The following RAPGEF6 variants were observed in gnomAD, a reference collection of about 807,000 sequenced individuals.
RAPGEF6 encodes the protein Rap guanine nucleotide exchange factor 6.
RAPGEF6 carries 56 observed loss-of-function variants against 171.4 expected under a neutral mutation model. The ratio of observed to expected loss-of-function variants is 0.33; its 90% CI spans 0.26 to 0.41. The LOEUF (loss-of-function observed/expected upper bound fraction) is 0.41, where lower values mean the gene tolerates loss of function less well. Ranked by LOEUF, RAPGEF6 falls within the 10% of genes least tolerant of loss-of-function variation. RAPGEF6 has a pLI of 1.00. For missense variants in RAPGEF6, 1,674 were observed against 1,921.4 expected (o/e 0.87, Z 2.41); for synonymous variants, 692 against 650.1 (o/e 1.06, Z -0.98).
At chr5:131,525,577 A>G (rs1018576112) in intron 6 of RAPGEF6, among the ~76,000 whole-genome samples, 3 of 152,172 alleles carry the variant, frequency 2.0e-5, no homozygotes, top group African/African-American at 7.2e-5. Context: ...TAACAAAGTC[A>G]TAATTGCTTA....
chr5:131,439,695 C>G lies in RAPGEF6; in HGVS notation c.3631G>C (p.Val1211Leu). 6.2e-7 allele frequency: 1 copy of G among 1,611,184 alleles called. No individual in the cohort carries two copies. The highest frequency in any genetic ancestry group is 8.5e-7 in the Non-Finnish European group (1 of 1,179,370). ...CTTATTTCTTCAGTTGTTCCTAAAACTTTCTGAGGTAAACTTGTATCTAAA... is the reference window on the plus strand; with the variant it reads ...CTTATTTCTTCAGTTGTTCCTAAAAGTTTCTGAGGTAAACTTGTATCTAAA... The part of the protein sequence containing the change: ...PALNTSLPQK[V>L]LGTTEEISGK... The change falls in exon 24 of 28, where the codon GTT (valine) becomes CTT (leucine). Residue 1211 changes from valine to leucine, a missense_variant. Around this residue, in one of 3 missense-constraint regions of RAPGEF6, gnomAD observed 552 missense variants for 574.2 expected, o/e 0.96. Coordinates refer to ENST00000509018, the MANE Select transcript of RAPGEF6 (RefSeq NM_016340.6).
At chr5:131,463,968 C>G in intron 18 of RAPGEF6, 73 bp downstream of exon 18, 1 of 1,503,380 alleles carries the variant, frequency 6.7e-7, no homozygotes, top group South Asian at 1.4e-5. Flanking sequence ...TTTCTACTTA[C>G]AATAGCTGTT....
intron 1 of RAPGEF6, among the ~76,000 whole-genome samples, chr5:131,610,597 G>T (rs1764878241): frequency 6.6e-6 from 1 of 152,190 alleles, no homozygotes; most frequent in African/African-American, 2.4e-5. Flanking sequence ...CAGGAAAGAA[G>T]GCTTGAGTCA....
chr5:131,626,536 T>C (rs561992961), intron 1 of RAPGEF6, among the ~76,000 whole-genome samples: 7 of 152,072 alleles, frequency 4.6e-5, no homozygotes, highest in South Asian at 2.1e-4. Flanking sequence ...AATCAATTCA[T>C]GACATTTAAC....
chr5:131,511,856 G>T (rs888477528), intron 7 of RAPGEF6, among the ~76,000 whole-genome samples: 1 of 152,096 alleles, frequency 6.6e-6, no homozygotes, highest in African/African-American at 2.4e-5. Flanking sequence ...AGAGATTACA[G>T]TGGGAAACAG....
intron 20 of RAPGEF6, among the ~76,000 whole-genome samples, chr5:131,454,382 T>C (rs1159302049): frequency 6.6e-6 from 1 of 152,036 alleles, no homozygotes; most frequent in Non-Finnish European, 1.5e-5. Context: ...TTTTCAATAA[T>C]AACCAGGCAC....
At chr5:131,427,843 C>G (rs1580809123) in intron 27 of RAPGEF6, among the ~76,000 whole-genome samples, 1 of 152,198 alleles carries the variant, frequency 6.6e-6, no homozygotes, top group African/African-American at 2.4e-5. Flanking sequence ...TACAGTGGCT[C>G]ACACCCATAA....
chr5:131,563,283 AC>A (rs577369609), intron 4 of RAPGEF6, among the ~76,000 whole-genome samples: 9 of 152,286 alleles, frequency 5.9e-5, no homozygotes, highest in African/African-American at 1.4e-4. Flanking sequence ...ATACCAAAAA[AC>A]ATCTAATAAA....
chr5:131,556,736 A>C (rs1761259697), intron 5 of RAPGEF6, among the ~76,000 whole-genome samples: 1 of 152,082 alleles, frequency 6.6e-6, no homozygotes, highest in Non-Finnish European at 1.5e-5. Flanking sequence ...ATTCTTTTAA[A>C]TGGCACAAAA....
In RAPGEF6 at chr5:131,498,671, T is replaced by G. The variant is rs1037120569; in HGVS notation, c.1255-64A>C. ...AATGACCCAAGAACCAAAGAACTAT[T>G]GTTGATTACTCCGCTTTGTAGCTAC... On this transcript the variant is annotated intron_variant, in intron 11 of 27. Transcript: ENST00000509018. 7.0e-6 allele frequency: 10 copies of G among 1,437,710 alleles called. No homozygotes were observed. In the Admixed American group the frequency reaches 1.9e-4, roughly 27 times the overall value. 89.1% of individuals were successfully genotyped at this position (1,437,710 alleles called of 1,614,324 possible). A position where few individuals can be genotyped will look rare whatever the true frequency, so the allele number is the denominator to read the frequency against.
At chr5:131,580,947 G>A (rs558516115) in intron 4 of RAPGEF6, among the ~76,000 whole-genome samples, 2 of 152,200 alleles carry the variant, frequency 1.3e-5, no homozygotes, top group South Asian at 4.1e-4. Flanking sequence ...ACACCAACAC[G>A]ACAAAAAGAG....
chr5:131,546,507 G>A (rs1365409927), intron 6 of RAPGEF6, among the ~76,000 whole-genome samples: 4 of 152,040 alleles, frequency 2.6e-5, no homozygotes, highest in African/African-American at 9.7e-5. Flanking sequence ...GGGAGGCTGA[G>A]GCAGGAGAAG....
At chr5:131,473,195 A>C (rs1174259131) in intron 16 of RAPGEF6, among the ~76,000 whole-genome samples, 1 of 152,206 alleles carries the variant, frequency 6.6e-6, no homozygotes, top group Non-Finnish European at 1.5e-5. Flanking sequence ...CAAACCAAAA[A>C]CTATGGCAGG....
intron 11 of RAPGEF6, among the ~76,000 whole-genome samples, 180 bp downstream of exon 11, chr5:131,504,446 A>G (rs888651054): frequency 6.6e-6 from 1 of 151,884 alleles, no homozygotes; most frequent in African/African-American, 2.4e-5. Flanking sequence ...TGGGCAACAG[A>G]GTGAGACTCC....
At chr5:131,442,688 C>T in intron 22 of RAPGEF6, 151 bp from the exon 23 acceptor site, 1 of 1,244,784 alleles carries the variant, frequency 8.0e-7, no homozygotes, top group Non-Finnish European at 1.1e-6. Flanking sequence ...CAGTTAAGTA[C>T]TATAAGATGT....
chr5:131,549,693 A>C (rs1312653001), intron 5 of RAPGEF6, among the ~76,000 whole-genome samples: 1 of 151,898 alleles, frequency 6.6e-6, no homozygotes, highest in Admixed American at 6.6e-5. Context: ...AAAAAAAAAA[A>C]GTTATGTGAA....
At chr5:131,588,708 A>G (rs1763409416) in intron 4 of RAPGEF6, among the ~76,000 whole-genome samples, 1 of 152,006 alleles carries the variant, frequency 6.6e-6, no homozygotes, top group African/African-American at 2.4e-5. Context: ...GAGCCACCGC[A>G]CTCCAGCCTT....
intron 7 of RAPGEF6, among the ~76,000 whole-genome samples, chr5:131,512,617 A>G (rs762578187): frequency 1.2e-4 from 18 of 152,196 alleles, no homozygotes; most frequent in African/African-American, 4.3e-4. Context: ...GTCATTTAAC[A>G]ATCTAGACTA....
At chr5:131,431,687 C>T (rs1052798040) in intron 25 of RAPGEF6, among the ~76,000 whole-genome samples, 8 of 151,610 alleles carry the variant, frequency 5.3e-5, no homozygotes, top group Admixed American at 1.3e-4. Flanking sequence ...TTTACAGGCA[C>T]GATCATGATG....
Sources: gnomAD v4.1 joint callset for allele counts (sites outside exome capture counted in the v4.1 genomes callset) on GRCh38, gnomAD v4.1.1 for gene constraint, gnomAD v4.1.1 regional missense constraint, MANE v1.5 for transcripts, NCBI Gene and HGNC (gene_info 2026-07-23, HGNC 2026-07-21) for gene names.